The following MECOM variants were observed in gnomAD, a reference collection of about 807,000 sequenced individuals.
MECOM encodes the protein MDS1 and EVI1 complex locus.
Under a neutral mutation model 116.3 loss-of-function variants are expected in MECOM, and 13 were observed. The observed-to-expected ratio is 0.11, with a 90% CI of 0.07 to 0.18. The LOEUF (loss-of-function observed/expected upper bound fraction) is 0.18. Among genes scored for constraint, MECOM ranks in the 10% least tolerant of loss-of-function variants. MECOM has a pLI of 1.00. For missense variants in MECOM, 1,299 were observed against 1,509.0 expected, an observed-to-expected ratio of 0.86 and a Z score of 2.31; for synonymous variants, 528 against 535.2, an observed-to-expected ratio of 0.99 and a Z score of 0.19.
chr3:169,293,076 G>C (rs1714907634), intron 2 of MECOM, among the ~76,000 whole-genome samples: 1 of 152,162 alleles, frequency 6.6e-6, no homozygotes, highest in Non-Finnish European at 1.5e-5. Flanking sequence ...GACTAGCAAA[G>C]GGGTGGCTGA....
intron 2 of MECOM, among the ~76,000 whole-genome samples, chr3:169,154,689 A>G (rs1290627254): frequency 1.3e-5 from 2 of 152,182 alleles, no homozygotes; most frequent in East Asian, 3.8e-4. Context: ...TTGAGAATTC[A>G]ATGAGGCAAT....
chr3:169,530,215 TG>T (rs991379512), intron 1 of MECOM, among the ~76,000 whole-genome samples: 3 of 152,152 alleles, frequency 2.0e-5, no homozygotes, highest in Non-Finnish European at 2.9e-5. Flanking sequence ...GGTTCCCAGT[TG>T]ATGTTTACAT....
intron 1 of MECOM, among the ~76,000 whole-genome samples, chr3:169,644,982 C>A (rs1773985215): frequency 6.6e-6 from 1 of 152,106 alleles, no homozygotes; most frequent in Non-Finnish European, 1.5e-5. Context: ...CATAAGTACA[C>A]ACAAATGACT....
rs145508135 is a variant in MECOM, at chr3:169,428,703, C to A, written c.38-47179G>T. Among the ~76,000 whole-genome samples the A allele has an allele frequency of 6.3e-3, 952 of 152,200 alleles. 15 individuals are homozygous for A. Among genetic ancestry groups the A allele is most frequent in the African/African-American group, 0.022 (897 of 41,522 alleles). The stretch of plus-strand genomic sequence containing the variant: ...TACCTTTTTTCTACTTGCAAAATAT[C>A]TTTTACCTCAAATTATTTTTTGTAA... On this transcript the variant is annotated intron_variant, in intron 1 of 16. Coordinates refer to ENST00000651503, the MANE Select transcript of MECOM (RefSeq NM_004991.4).
chr3:169,210,143 G>A lies in MECOM; in HGVS notation c.376-66311C>T, dbSNP rs1427740699. On this transcript the variant is annotated intron_variant, in intron 2 of 16. Coordinates refer to ENST00000651503, the MANE Select transcript of MECOM (RefSeq NM_004991.4). ...CACCACATGTTCTCACTCATAAGTG[G>A]GACACAGGGAGGGGAATAACACACA... 2.0e-5 allele frequency among the ~76,000 whole-genome samples: 3 copies of A among 152,030 alleles called. No homozygotes were observed. In the East Asian group the frequency reaches 5.8e-4, roughly 29 times the overall value.
chr3:169,285,191 T>C (rs933941848), intron 2 of MECOM, among the ~76,000 whole-genome samples: 8 of 152,212 alleles, frequency 5.3e-5, no homozygotes, highest in Non-Finnish European at 7.3e-5. Flanking sequence ...TGAAAAGTGT[T>C]TGTAGAGCCG....
intron 1 of MECOM, among the ~76,000 whole-genome samples, chr3:169,489,147 C>G (rs1188446524): frequency 1.3e-5 from 2 of 151,914 alleles, no homozygotes; most frequent in Non-Finnish European, 2.9e-5. Context: ...GAATAACTTC[C>G]TAGAAAAATA....
chr3:169,400,820 CT>C, intron 1 of MECOM, among the ~76,000 whole-genome samples: 1 of 152,188 alleles, frequency 6.6e-6, no homozygotes, highest in African/African-American at 2.4e-5. Flanking sequence ...TCTCAGCATC[CT>C]TTTCAGATAT....
At chr3:169,437,865 A>G (rs913186331) in intron 1 of MECOM, among the ~76,000 whole-genome samples, 7 of 152,194 alleles carry the variant, frequency 4.6e-5, no homozygotes, top group Admixed American at 4.6e-4. Flanking sequence ...CCTAATTGCA[A>G]TGTCATATAT....
chr3:169,118,430 C>T (rs1162097125), intron 7 of MECOM, among the ~76,000 whole-genome samples: 3 of 151,984 alleles, frequency 2.0e-5, no homozygotes, highest in African/African-American at 7.3e-5. Flanking sequence ...ACAATTTAAC[C>T]ATACACCATA....
chr3:169,191,582 G>T (rs1747553521), intron 2 of MECOM, among the ~76,000 whole-genome samples: 1 of 150,452 alleles, frequency 6.6e-6, no homozygotes, highest in African/African-American at 2.4e-5. Context: ...TAGGGAGAAA[G>T]AAGTGGAAGA....
intron 1 of MECOM, among the ~76,000 whole-genome samples, chr3:169,594,298 C>A (rs981938962): frequency 5.9e-5 from 9 of 152,036 alleles, no homozygotes; most frequent in African/African-American, 1.5e-4. Context: ...GTGAAAATGA[C>A]CTATTCTCAA....
At chr3:169,323,298 A>C (rs903487716) in intron 2 of MECOM, among the ~76,000 whole-genome samples, 1 of 152,084 alleles carries the variant, frequency 6.6e-6, no homozygotes, top group African/African-American at 2.4e-5. Flanking sequence ...TCCTTCCCCC[A>C]GTATTGGGTG....
At chr3:169,485,489 G>C (rs1752010765) in intron 1 of MECOM, among the ~76,000 whole-genome samples, 1 of 151,854 alleles carries the variant, frequency 6.6e-6, no homozygotes, top group Admixed American at 6.6e-5. Flanking sequence ...AAAAAGAGAG[G>C]GTTACAATAA....
At chr3:169,413,211 G>C (rs1047603397) in intron 1 of MECOM, among the ~76,000 whole-genome samples, 2 of 152,182 alleles carry the variant, frequency 1.3e-5, no homozygotes, top group African/African-American at 4.8e-5. Context: ...AGGGCGAGCC[G>C]AAGCAGGGTG....
intron 10 of MECOM, among the ~76,000 whole-genome samples, chr3:169,106,719 A>T (rs1260380956): frequency 6.6e-6 from 1 of 152,144 alleles, no homozygotes; most frequent in Non-Finnish European, 1.5e-5. Flanking sequence ...CAACCACCTA[A>T]CAAGAGAGCT....
intron 1 of MECOM, among the ~76,000 whole-genome samples, chr3:169,408,804 T>C (rs76574754): frequency 0.044 from 6,734 of 152,220 alleles, 458 homozygotes; most frequent in Admixed American, 0.19. Context: ...CAGTTTTATA[T>C]TCATCTGTTA....
chr3:169,586,617 G>C (rs914927079), intron 1 of MECOM, among the ~76,000 whole-genome samples: 7 of 152,140 alleles, frequency 4.6e-5, no homozygotes, highest in African/African-American at 1.7e-4. Context: ...GTATGTATTT[G>C]TGTTTCACTA....
chr3:169,417,888 A>G (rs1205631612), intron 1 of MECOM, among the ~76,000 whole-genome samples: 1 of 151,720 alleles, frequency 6.6e-6, no homozygotes, highest in African/African-American at 2.4e-5. Context: ...ATTCTCACTT[A>G]TAGGTGGGAA....
Sources: allele counts gnomAD v4.1 joint callset (sites outside exome capture counted in the v4.1 genomes callset), GRCh38; gene constraint gnomAD v4.1.1; transcripts MANE v1.5; gene names NCBI Gene and HGNC (gene_info 2026-07-23, HGNC 2026-07-21).